Variants in NEGR1 observed in about 807,000 individuals in gnomAD.
NEGR1 encodes the protein neuronal growth regulator 1.
In NEGR1, 10 loss-of-function variants were observed where a neutral mutation model predicts 40.9. The observed-to-expected ratio is 0.24, with a 90% CI of 0.15 to 0.42. The LOEUF is 0.42. Ranked by LOEUF, NEGR1 falls within the 10% of genes least tolerant of loss-of-function variation. The pLI is 1.00. For missense variants in NEGR1, 352 were observed against 438.9 expected, an observed-to-expected ratio of 0.80 and a Z score of 1.77; for synonymous variants, 185 against 166.8, an observed-to-expected ratio of 1.11 and a Z score of -0.84.
At chr1:72,168,006 T>A (rs1570070284) in intron 1 of NEGR1, among the ~76,000 whole-genome samples, 1 of 129,580 alleles carries the variant, frequency 7.7e-6, no homozygotes, top group Non-Finnish European at 1.7e-5. Context: ...ATTATTATTA[T>A]TTTTTTTTTT....
intron 1 of NEGR1, among the ~76,000 whole-genome samples, chr1:72,199,150 C>CAGAGAGAGAGAG (rs34602311): frequency 1.7e-5 from 2 of 115,164 alleles, no homozygotes; most frequent in East Asian, 2.4e-4. Flanking sequence ...GATAGACAGA[C>CAGAGAGAGAGAG]AGAGAGAGAG....
intron 1 of NEGR1, among the ~76,000 whole-genome samples, chr1:72,142,050 A>G (rs1401161646): frequency 6.6e-6 from 1 of 152,032 alleles, no homozygotes; most frequent in Non-Finnish European, 1.5e-5. Flanking sequence ...ATAAACCAAT[A>G]GAGTAACTAT....
chr1:71,441,192 A>C (rs1646544558), intron 6 of NEGR1, among the ~76,000 whole-genome samples: 1 of 152,228 alleles, frequency 6.6e-6, no homozygotes, highest in African/African-American at 2.4e-5. Flanking sequence ...ACAATGTGTG[A>C]GTGGTCAACA....
At chr1:71,474,428 T>C (rs1016743264) in intron 6 of NEGR1, among the ~76,000 whole-genome samples, 3 of 150,552 alleles carry the variant, frequency 2.0e-5, no homozygotes, top group African/African-American at 7.3e-5. Context: ...ATACCAGCAC[T>C]TTTGGGAGGT....
chr1:71,974,253 A>G (rs548205884), intron 1 of NEGR1, among the ~76,000 whole-genome samples: 1 of 152,308 alleles, frequency 6.6e-6, no homozygotes, highest in Admixed American at 6.5e-5. Context: ...TAGGGATTCA[A>G]AGTAAGCTTG....
At chr1:72,189,530 C>T (rs945404389) in intron 1 of NEGR1, among the ~76,000 whole-genome samples, 4 of 151,490 alleles carry the variant, frequency 2.6e-5, no homozygotes, top group Admixed American at 6.6e-5. Context: ...ATATGTCTTT[C>T]GTCCTTGATA....
intron 3 of NEGR1, among the ~76,000 whole-genome samples, chr1:71,772,505 T>A (rs1303841226): frequency 2.0e-5 from 3 of 152,140 alleles, no homozygotes; most frequent in African/African-American, 7.2e-5. Flanking sequence ...TAAACTGTTA[T>A]GTCAAATACA....
At chr1:71,908,700 T>C (rs554575830) in intron 2 of NEGR1, among the ~76,000 whole-genome samples, 66 of 152,330 alleles carry the variant, frequency 4.3e-4, no homozygotes, top group Non-Finnish European at 7.3e-4. Context: ...ACTTAGACCA[T>C]TGATTGCTAA....
chr1:72,013,425 A>C (rs1170685749), intron 1 of NEGR1, among the ~76,000 whole-genome samples: 1 of 152,170 alleles, frequency 6.6e-6, no homozygotes, highest in Non-Finnish European at 1.5e-5. Context: ...GAGATCAGAG[A>C]GAACTTGAGG....
intron 4 of NEGR1, among the ~76,000 whole-genome samples, chr1:71,635,230 T>A (rs2101568435): frequency 6.6e-6 from 1 of 152,186 alleles, no homozygotes; most frequent in East Asian, 1.9e-4. Flanking sequence ...ACATTAATTA[T>A]TACTGGTTCA....
intron 2 of NEGR1, among the ~76,000 whole-genome samples, chr1:71,803,471 C>G (rs1424351208): frequency 6.6e-6 from 1 of 152,066 alleles, no homozygotes; most frequent in Non-Finnish European, 1.5e-5. Flanking sequence ...TAACAGTGAC[C>G]TTCCTCTCTA....
chr1:72,009,779 C>T (rs1184643021), intron 1 of NEGR1, among the ~76,000 whole-genome samples: 1 of 151,964 alleles, frequency 6.6e-6, no homozygotes, highest in Non-Finnish European at 1.5e-5. Flanking sequence ...ATCTTTGGCC[C>T]CAACATCTGG....
At chr1:71,852,863 A>T (rs1194918736) in intron 2 of NEGR1, among the ~76,000 whole-genome samples, 2 of 152,044 alleles carry the variant, frequency 1.3e-5, no homozygotes, top group Non-Finnish European at 2.9e-5. Flanking sequence ...CTGACTGGAA[A>T]AAATGGACAA....
intron 6 of NEGR1, among the ~76,000 whole-genome samples, chr1:71,574,990 A>G (rs888564248): frequency 5.9e-5 from 9 of 152,302 alleles, no homozygotes; most frequent in African/African-American, 2.2e-4. Context: ...GTTTGAGACA[A>G]AATTATTCTG....
At chr1:71,768,439 C>A (rs1656205244) in intron 3 of NEGR1, among the ~76,000 whole-genome samples, 1 of 151,908 alleles carries the variant, frequency 6.6e-6, no homozygotes, top group Non-Finnish European at 1.5e-5. Flanking sequence ...TGTATCCTTC[C>A]AATTTTTTTT....
At chr1:72,026,942 T>C (rs191032735) in intron 1 of NEGR1, among the ~76,000 whole-genome samples, 11 of 152,228 alleles carry the variant, frequency 7.2e-5, no homozygotes, top group East Asian at 3.9e-4. Flanking sequence ...TTGGTTTTTT[T>C]TGAGACGGAG....
intron 5 of NEGR1, among the ~76,000 whole-genome samples, chr1:71,596,570 G>A (rs1417075201): frequency 6.6e-6 from 1 of 152,192 alleles, no homozygotes; most frequent in Non-Finnish European, 1.5e-5. Context: ...GACCAGAAAA[G>A]CCTGCAGCAA....
chr1:72,043,368 A>G (rs922661855), intron 1 of NEGR1, among the ~76,000 whole-genome samples: 3 of 151,720 alleles, frequency 2.0e-5, no homozygotes, highest in Non-Finnish European at 2.9e-5. Flanking sequence ...CTGGGTCCTG[A>G]CTGATATACT....
At chr1:72,113,671 T>C (rs566585210) in intron 1 of NEGR1, among the ~76,000 whole-genome samples, 1 of 151,778 alleles carries the variant, frequency 6.6e-6, no homozygotes, top group Admixed American at 6.6e-5. Flanking sequence ...GTACCTACTT[T>C]AGTACAGTAT....
Sources: allele counts gnomAD v4.1 joint callset (sites outside exome capture counted in the v4.1 genomes callset), GRCh38; gene constraint gnomAD v4.1.1; transcripts MANE v1.5; gene names NCBI Gene and HGNC (gene_info 2026-07-23, HGNC 2026-07-21).